Variants in DLG2 observed in about 807,000 individuals in gnomAD.
DLG2 encodes disks large homolog 2.
DLG2 carries 45 observed loss-of-function variants against 132.5 expected under a neutral mutation model. The observed-to-expected ratio is 0.34, with a 90% CI of 0.27 to 0.44. The LOEUF (loss-of-function observed/expected upper bound fraction) is 0.44. Among genes scored for constraint, DLG2 ranks in the 20% least tolerant of loss-of-function variants. The probability of loss-of-function intolerance (pLI) is 1.00; values close to 1 mark genes in which losing one functional copy is unlikely to be tolerated. For synonymous variants in DLG2, 424 were observed against 419.6 expected, an observed-to-expected ratio of 1.01 and a Z score of -0.13; for missense variants, 1,045 against 1,196.9, an observed-to-expected ratio of 0.87 and a Z score of 1.87.
chr11:83,708,146 T>C (rs2084493895), intron 18 of DLG2, among the ~76,000 whole-genome samples: 2 of 152,200 alleles, frequency 1.3e-5, no homozygotes, highest in South Asian at 2.1e-4. Flanking sequence ...ATGATAATTG[T>C]TGGAAATTTA....
chr11:84,745,023 G>T (rs2153828524), intron 6 of DLG2, among the ~76,000 whole-genome samples: 1 of 149,164 alleles, frequency 6.7e-6, no homozygotes, highest in Middle Eastern at 3.5e-3. Context: ...TAGGAATAAA[G>T]GTGAAAAAAA....
At chr11:84,163,724 G>A (rs1254861060) in intron 8 of DLG2, among the ~76,000 whole-genome samples, 1 of 152,068 alleles carries the variant, frequency 6.6e-6, no homozygotes, top group African/African-American at 2.4e-5. Context: ...AATACTCAAA[G>A]ATTATTGCTT....
chr11:85,196,845 G>A (rs1351716562), intron 4 of DLG2, among the ~76,000 whole-genome samples: 1 of 152,150 alleles, frequency 6.6e-6, no homozygotes, highest in Non-Finnish European at 1.5e-5. Flanking sequence ...AAAGGAAAGT[G>A]TTAAGTCTTC....
At chr11:83,942,624 G>A (rs1403161443) in intron 14 of DLG2, among the ~76,000 whole-genome samples, 2 of 152,170 alleles carry the variant, frequency 1.3e-5, no homozygotes, top group African/African-American at 4.8e-5. Flanking sequence ...AGGCATATCT[G>A]TACATCTGTA....
chr11:84,928,198 T>C (rs1164633613), intron 6 of DLG2, among the ~76,000 whole-genome samples: 2 of 151,988 alleles, frequency 1.3e-5, no homozygotes, highest in Admixed American at 6.6e-5. Context: ...AAAGGAACTA[T>C]ATAATACCTG....
chr11:84,200,341 A>T (rs2096576068), intron 8 of DLG2, among the ~76,000 whole-genome samples: 1 of 152,142 alleles, frequency 6.6e-6, no homozygotes, highest in Non-Finnish European at 1.5e-5. Context: ...TTTCAGATTT[A>T]CAGAAAAATT....
chr11:84,534,629 G>T lies in DLG2; in HGVS notation c.460C>A (p.Leu154Ile). The change falls in exon 7 of 28, where the codon CTC becomes ATC. Residue 154 changes from leucine (L) to isoleucine (I), a missense_variant. Coordinates refer to ENST00000376104, the MANE Select transcript of DLG2 (RefSeq NM_001142699.3). ...CCATGGACATTTTCTATTTGAGAGA[G>T]GTTCTTTTCTGATACATGCACGAGT... is the stretch of plus-strand genomic sequence containing the variant. ...PELVHVSEKNLSQIENVHGYV... is the reference protein window; with the variant it reads ...PELVHVSEKNISQIENVHGYV... The T allele has an allele frequency of 6.2e-7, 1 of 1,614,024 alleles. No homozygotes were observed. Among genetic ancestry groups the T allele is most frequent in the Non-Finnish European group, 8.5e-7 (1 of 1,179,944 alleles).
intron 4 of DLG2, among the ~76,000 whole-genome samples, chr11:85,228,976 C>T (rs1261079035): frequency 4.7e-5 from 7 of 150,498 alleles, no homozygotes; most frequent in Non-Finnish European, 8.9e-5. Context: ...TGGCTATTTT[C>T]CTATACCTTT....
At chr11:84,689,407 T>C (rs934410768) in intron 6 of DLG2, among the ~76,000 whole-genome samples, 5 of 152,030 alleles carry the variant, frequency 3.3e-5, no homozygotes, top group Non-Finnish European at 4.4e-5. Flanking sequence ...GCACATAAGA[T>C]GTACTGTACA....
intron 3 of DLG2, among the ~76,000 whole-genome samples, chr11:85,347,113 T>C (rs920837201): frequency 1.3e-5 from 2 of 152,214 alleles, no homozygotes; most frequent in East Asian, 1.9e-4. Flanking sequence ...GTATGTATAA[T>C]GTATATATTC....
At chr11:83,736,561 T>C (rs2091921479) in intron 18 of DLG2, among the ~76,000 whole-genome samples, 1 of 152,290 alleles carries the variant, frequency 6.6e-6, no homozygotes. Context: ...AAAAGTCCTA[T>C]TTTTCTCTGC....
chr11:84,349,879 TA>T (rs891079076), intron 7 of DLG2, among the ~76,000 whole-genome samples: 1 of 151,790 alleles, frequency 6.6e-6, no homozygotes, highest in East Asian at 1.9e-4. Flanking sequence ...ATTCTGGCTT[TA>T]AAAAAATCCA....
At chr11:85,463,457 G>T (rs1251265367) in intron 3 of DLG2, among the ~76,000 whole-genome samples, 2 of 152,184 alleles carry the variant, frequency 1.3e-5, no homozygotes, top group South Asian at 2.1e-4. Context: ...GAAGATAATA[G>T]AAATAAGAAA....
chr11:84,443,237 T>G (rs1456742043), intron 7 of DLG2, among the ~76,000 whole-genome samples: 1 of 152,228 alleles, frequency 6.6e-6, no homozygotes, highest in African/African-American at 2.4e-5. Context: ...AACATTTACC[T>G]TCCATCCAGA....
intron 2 of DLG2, among the ~76,000 whole-genome samples, chr11:85,617,682 A>T (rs1443427451): frequency 6.6e-6 from 1 of 152,320 alleles, no homozygotes; most frequent in East Asian, 1.9e-4. Context: ...ACACCAGTTT[A>T]CCTTTTAAAA....
chr11:83,675,147 A>G (rs2077470407), intron 18 of DLG2, among the ~76,000 whole-genome samples: 1 of 152,254 alleles, frequency 6.6e-6, no homozygotes, highest in African/African-American at 2.4e-5. Flanking sequence ...ATTAAGTACA[A>G]TCTTAATGAA....
chr11:85,387,503 T>C lies in DLG2; in HGVS notation c.41-102138A>G, dbSNP rs144939650. Among the ~76,000 whole-genome samples the C allele has an allele frequency of 7.2e-5, 11 of 152,300 alleles. No individual in the cohort carries two copies. The East Asian group carries it at 1.9e-3, about 27-fold the overall frequency. On this transcript the variant is annotated intron_variant, in intron 3 of 27. Transcript: ENST00000376104. Reference sequence around the variant, plus strand: ...AATGTGTAACATTTTCAAAAGTAAGTTTGAGGAAGGGCCACAATATGGATC... The same window carrying C: ...AATGTGTAACATTTTCAAAAGTAAGCTTGAGGAAGGGCCACAATATGGATC...
chr11:84,613,626 T>G (rs1158888058), intron 6 of DLG2, among the ~76,000 whole-genome samples: 1 of 152,218 alleles, frequency 6.6e-6, no homozygotes, highest in Non-Finnish European at 1.5e-5. Context: ...ATTGCCATAG[T>G]TGTTTTGTTG....
chr11:85,254,726 C>T (rs996573961), intron 4 of DLG2, among the ~76,000 whole-genome samples: 3 of 152,076 alleles, frequency 2.0e-5, no homozygotes, highest in Admixed American at 6.5e-5. Context: ...TTAGGCTGGG[C>T]GTGGTGGCTC....
Sources: gnomAD v4.1 joint callset for allele counts (sites outside exome capture counted in the v4.1 genomes callset) on GRCh38, gnomAD v4.1.1 for gene constraint, MANE v1.5 for transcripts, NCBI Gene and HGNC (gene_info 2026-07-23, HGNC 2026-07-21) for gene names.